GPM6A: variants seen among roughly 807,000 people sequenced by gnomAD.
GPM6A encodes the protein glycoprotein M6A, also known as neuronal membrane glycoprotein M6-a.
Under a neutral mutation model 32.1 loss-of-function variants are expected in GPM6A, and 7 were observed. The ratio of observed to expected loss-of-function variants is 0.22; its 90% CI spans 0.12 to 0.41. The LOEUF is 0.41. GPM6A is among the 10% of genes least tolerant of loss of function. The pLI is 1.00. For synonymous variants in GPM6A, 130 were observed against 123.4 expected (o/e 1.05, Z -0.35); for missense variants, 235 against 347.2 (o/e 0.68, Z 2.57).
chr4:175,921,961 G>A (rs1405041022), intron 1 of GPM6A, among the ~76,000 whole-genome samples: 2 of 152,178 alleles, frequency 1.3e-5, no homozygotes, highest in Admixed American at 6.5e-5. Context: ...TAGAATGGGA[G>A]GGTAATCTGC....
intron 1 of GPM6A, among the ~76,000 whole-genome samples, chr4:175,972,558 G>A (rs1032810267): frequency 7.2e-5 from 11 of 152,148 alleles, no homozygotes; most frequent in African/African-American, 2.7e-4. Flanking sequence ...AGATGTTTAA[G>A]AATAAAATCT....
intron 1 of GPM6A, among the ~76,000 whole-genome samples, chr4:175,725,836 G>C (rs1360958866): frequency 6.6e-6 from 1 of 152,072 alleles, no homozygotes; most frequent in African/African-American, 2.4e-5. Flanking sequence ...TGAAATGAAT[G>C]CTTTGCAGTT....
At chr4:175,954,931 GAGGGCCTAATAATACTTAAGTCAA>G (rs1739937306) in intron 1 of GPM6A, among the ~76,000 whole-genome samples, 1 of 152,192 alleles carries the variant, frequency 6.6e-6, no homozygotes, top group Admixed American at 6.5e-5. Flanking sequence ...CAGGCGCTGT[GAGGGCCTAATAATACTTAAGTCAA>G]AGGACCAGAC....
intron 1 of GPM6A, among the ~76,000 whole-genome samples, chr4:175,762,979 T>C (rs1209876515): frequency 6.6e-6 from 1 of 152,174 alleles, no homozygotes; most frequent in Non-Finnish European, 1.5e-5. Flanking sequence ...AAAAATGTTC[T>C]AAAATTAGAT....
chr4:175,876,236 G>C (rs544807199), intron 1 of GPM6A, among the ~76,000 whole-genome samples: 15 of 152,074 alleles, frequency 9.9e-5, no homozygotes, highest in Non-Finnish European at 1.6e-4. Flanking sequence ...AATCCCATGA[G>C]TTTCAGATGA....
chr4:175,944,572 C>A (rs1375159693), intron 1 of GPM6A, among the ~76,000 whole-genome samples: 1 of 152,182 alleles, frequency 6.6e-6, no homozygotes, highest in African/African-American at 2.4e-5. Flanking sequence ...CAGATTATTA[C>A]CACATATGGA....
chr4:175,847,564 C>G, intron 1 of GPM6A, among the ~76,000 whole-genome samples: 1 of 152,014 alleles, frequency 6.6e-6, no homozygotes. Flanking sequence ...TGCTTGTGTT[C>G]AAGTCACCCT....
chr4:175,670,116 G>C (rs1742970451), intron 3 of GPM6A, among the ~76,000 whole-genome samples: 1 of 152,022 alleles, frequency 6.6e-6, no homozygotes, highest in South Asian at 2.1e-4. Flanking sequence ...ACTTTGTTGT[G>C]GTAGCCCTAG....
intron 1 of GPM6A, among the ~76,000 whole-genome samples, chr4:175,884,151 T>C (rs1737370342): frequency 6.6e-6 from 1 of 152,198 alleles, no homozygotes; most frequent in Admixed American, 6.5e-5. Flanking sequence ...TATTGAATAT[T>C]TGTCAAGCAT....
chr4:175,646,781 G>C (rs11133107), intron 4 of GPM6A, among the ~76,000 whole-genome samples: 106,270 of 152,078 alleles, frequency 0.7, 40,362 homozygotes, highest in Non-Finnish European at 0.85. Context: ...GACTGAAGCT[G>C]ACCAGATCAC....
At chr4:175,945,411 A>G (rs942057954) in intron 1 of GPM6A, among the ~76,000 whole-genome samples, 9 of 152,146 alleles carry the variant, frequency 5.9e-5, no homozygotes, top group Non-Finnish European at 8.8e-5. Context: ...TCTGAAACAG[A>G]AATAAATACC....
chr4:175,964,441 G>A (rs1740272181), intron 1 of GPM6A, among the ~76,000 whole-genome samples: 1 of 152,158 alleles, frequency 6.6e-6, no homozygotes, highest in Non-Finnish European at 1.5e-5. Flanking sequence ...TGACTGGGTG[G>A]CTTAAACAAC....
chr4:175,874,037 A>T (rs932869882), intron 1 of GPM6A, among the ~76,000 whole-genome samples: 2 of 152,180 alleles, frequency 1.3e-5, no homozygotes, highest in African/African-American at 4.8e-5. Context: ...AATCCATAGA[A>T]AACTAGAGAA....
chr4:175,892,480 C>T (rs1737677755), intron 1 of GPM6A, among the ~76,000 whole-genome samples: 1 of 152,190 alleles, frequency 6.6e-6, no homozygotes. Flanking sequence ...ATGGTCACTA[C>T]TGTGAAATCC....
At chr4:175,708,855 G>A (rs983475365) in intron 1 of GPM6A, among the ~76,000 whole-genome samples, 2 of 152,276 alleles carry the variant, frequency 1.3e-5, no homozygotes, top group South Asian at 2.1e-4. Context: ...TACCAGCCTT[G>A]TAAAGTGATC....
At chr4:175,676,482 C>T (rs1445092930) in intron 2 of GPM6A, among the ~76,000 whole-genome samples, 3 of 152,222 alleles carry the variant, frequency 2.0e-5, no homozygotes, top group African/African-American at 7.2e-5. Flanking sequence ...GGGGCAGTGG[C>T]TCACGCCTGC....
chr4:175,804,868 A>G (rs1036545700), intron 1 of GPM6A, among the ~76,000 whole-genome samples: 5 of 152,098 alleles, frequency 3.3e-5, no homozygotes, highest in African/African-American at 1.2e-4. Context: ...ACACAGTGAA[A>G]TGCTGTCTCT....
intron 1 of GPM6A, among the ~76,000 whole-genome samples, chr4:175,970,481 T>C (rs1740468278): frequency 6.6e-6 from 1 of 152,246 alleles, no homozygotes; most frequent in Non-Finnish European, 1.5e-5. Flanking sequence ...GTGTGTGTTA[T>C]AACATATGTA....
intron 3 of GPM6A, among the ~76,000 whole-genome samples, chr4:175,672,809 C>T (rs532811072): frequency 6.6e-6 from 1 of 152,110 alleles, no homozygotes; most frequent in Non-Finnish European, 1.5e-5. Flanking sequence ...CTCAGGCAAA[C>T]TATCTTATCA....
Sources: allele counts gnomAD v4.1 joint callset (sites outside exome capture counted in the v4.1 genomes callset), GRCh38; gene constraint gnomAD v4.1.1; transcripts MANE v1.5; gene names NCBI Gene and HGNC (gene_info 2026-07-23, HGNC 2026-07-21).